The following BTBD10 variants were observed in gnomAD, a reference collection of about 807,000 sequenced individuals.
BTBD10 encodes BTB domain containing 10.
In BTBD10, 21 loss-of-function variants were observed where a neutral mutation model predicts 53.2. That is an observed-to-expected ratio of 0.39 (90% CI 0.28 to 0.57). The LOEUF (loss-of-function observed/expected upper bound fraction) is 0.57, where lower values mean the gene tolerates loss of function less well. BTBD10 is among the 20% of genes least tolerant of loss of function. The pLI is 0.53. For missense variants in BTBD10, 360 were observed against 594.7 expected, an observed-to-expected ratio of 0.61 and a Z score of 4.10; for synonymous variants, 149 against 192.7, an observed-to-expected ratio of 0.77 and a Z score of 1.88.
intron 2 of BTBD10, among the ~76,000 whole-genome samples, chr11:13,425,629 G>A (rs992935282): frequency 6.6e-5 from 10 of 152,048 alleles, no homozygotes; most frequent in Admixed American, 2.0e-4. Context: ...AGATAAAAAT[G>A]TTTACATGTG....
chr11:13,448,761 C>T (rs1950795802), intron 1 of BTBD10, among the ~76,000 whole-genome samples: 1 of 152,130 alleles, frequency 6.6e-6, no homozygotes, highest in Middle Eastern at 3.2e-3. Flanking sequence ...CTGAATGGCT[C>T]CTCGTTTCCT....
intron 1 of BTBD10, among the ~76,000 whole-genome samples, chr11:13,448,338 T>C (rs1192199182): frequency 6.6e-6 from 1 of 152,162 alleles, no homozygotes; most frequent in Non-Finnish European, 1.5e-5. Flanking sequence ...TCCTCTCTTC[T>C]CTACTTGCTG....
chr11:13,401,013 A>G (rs1226380477), intron 8 of BTBD10, among the ~76,000 whole-genome samples: 1 of 152,146 alleles, frequency 6.6e-6, no homozygotes, highest in African/African-American at 2.4e-5. Flanking sequence ...GACCACTGAG[A>G]AATTTTAATA....
intron 4 of BTBD10, among the ~76,000 whole-genome samples, chr11:13,418,991 TAAA>T (rs201422634): frequency 7.0e-6 from 1 of 142,052 alleles, no homozygotes; most frequent in Non-Finnish European, 1.5e-5. Context: ...TTTTTTTTTT[TAAA>T]AGTATCTACA....
At position 13,403,259 on chromosome 11, in the gene BTBD10, T is replaced by C. The variant is rs761639815; in HGVS notation, c.1026A>G (p.Leu342=). Reference sequence around the variant, plus strand: ...TTTCAATATACTTGAAAAATCTATATAATTTTGTGCTATAAATAACTAGAA... The same window carrying C: ...TTTCAATATACTTGAAAAATCTATACAATTTTGTGCTATAAATAACTAGAA... ...EYSQIIYSTK[L]YRFFKYIENR... Residue 342 remains leucine (L), a synonymous_variant, in exon 8 of 9, where the codon TTA becomes TTG. Transcript: ENST00000278174. 4.6e-6 allele frequency: 7 copies of C among 1,514,242 alleles called. No individual in the cohort carries two copies. Among genetic ancestry groups the C allele is most frequent in the East Asian group, 2.4e-5 (1 of 41,202 alleles). 93.8% of individuals were successfully genotyped at this position (1,514,242 alleles called of 1,614,324 possible).
chr11:13,412,429 G>T (rs1259620352), intron 6 of BTBD10, among the ~76,000 whole-genome samples: 1 of 152,022 alleles, frequency 6.6e-6, no homozygotes, highest in African/African-American at 2.4e-5. Flanking sequence ...CTCCAGCCTG[G>T]GTGACACAGC....
intron 2 of BTBD10, among the ~76,000 whole-genome samples, chr11:13,425,514 C>T (rs79774159): frequency 0.027 from 4,066 of 152,028 alleles, 78 homozygotes; most frequent in Non-Finnish European, 0.044. Flanking sequence ...CTGACACATA[C>T]GTTAGAATGA....
intron 6 of BTBD10, among the ~76,000 whole-genome samples, chr11:13,411,683 C>CA (rs1949949653): frequency 6.6e-6 from 1 of 152,108 alleles, no homozygotes; most frequent in African/African-American, 2.4e-5. Context: ...CTAAGAGATT[C>CA]ACATCATCTG....
rs905419100 is a variant in BTBD10 at position 13,435,553 on chromosome 11, C to T, written c.101+9471G>A. ...TGTCGCCCAGGCTGGAGTGCAGTGG[C>T]GCACTCTCGGCTCACTGCAACCTCC... On this transcript the variant is annotated intron_variant, in intron 2 of 8. Transcript: ENST00000278174. 5.3e-5 allele frequency among the ~76,000 whole-genome samples: 8 copies of T among 152,112 alleles called. No homozygotes were observed. The South Asian group carries it at 6.2e-4, about 12-fold the overall frequency.
chr11:13,431,066 A>G (rs545398337), intron 2 of BTBD10, among the ~76,000 whole-genome samples: 1 of 152,076 alleles, frequency 6.6e-6, no homozygotes, highest in East Asian at 1.9e-4. Flanking sequence ...CAGCTGCCTG[A>G]GAATACCAAA....
intron 3 of BTBD10, among the ~76,000 whole-genome samples, chr11:13,420,109 G>T (rs1048335321): frequency 2.0e-5 from 3 of 152,160 alleles, no homozygotes; most frequent in African/African-American, 7.2e-5. Flanking sequence ...TGCTTTGAAA[G>T]TTATTACAGT....
chr11:13,417,884 A>G (rs1019136137), intron 4 of BTBD10, among the ~76,000 whole-genome samples: 7 of 152,204 alleles, frequency 4.6e-5, no homozygotes, highest in Non-Finnish European at 8.8e-5. Context: ...AATAAATTTA[A>G]AAAGCTCTTA....
chr11:13,431,457 A>C (rs1050498582), intron 2 of BTBD10, among the ~76,000 whole-genome samples: 21 of 152,166 alleles, frequency 1.4e-4, no homozygotes, highest in African/African-American at 4.3e-4. Context: ...TAGTTACATA[A>C]ACAAATCCAC....
At chr11:13,431,844 C>G (rs1591146539) in intron 2 of BTBD10, among the ~76,000 whole-genome samples, 1 of 151,984 alleles carries the variant, frequency 6.6e-6, no homozygotes, top group South Asian at 2.1e-4. Context: ...TGAAGAAAAA[C>G]ATCAGGGCCT....
intron 8 of BTBD10, among the ~76,000 whole-genome samples, chr11:13,393,986 T>C (rs1351065787): frequency 6.6e-6 from 1 of 152,214 alleles, no homozygotes; most frequent in African/African-American, 2.4e-5. Context: ...TTTTACAAAA[T>C]ACCAGCTGAT....
rs143589161 is a variant in BTBD10, at chr11:13,440,514, G to T, written c.101+4510C>A. On this transcript the variant is annotated intron_variant, in intron 2 of 8. Transcript: ENST00000278174. ...TTGTGTATCCATTCTGGGCAGTAAA[G>T]CTCTTTAAAATCAAAGAGAAAATAT... 4.6e-5 allele frequency among the ~76,000 whole-genome samples: 7 copies of T among 152,296 alleles called. No individual in the cohort carries two copies. The East Asian group carries it at 1.3e-3, about 29-fold the overall frequency.
At chr11:13,438,893 C>T (rs1299024250) in intron 2 of BTBD10, among the ~76,000 whole-genome samples, 1 of 151,864 alleles carries the variant, frequency 6.6e-6, no homozygotes, top group African/African-American at 2.4e-5. Context: ...TTTTATAACT[C>T]TATTTAATAA....
At chr11:13,441,266 A>G (rs1170179111) in intron 2 of BTBD10, among the ~76,000 whole-genome samples, 1 of 152,116 alleles carries the variant, frequency 6.6e-6, no homozygotes, top group African/African-American at 2.4e-5. Context: ...TCTACATTCA[A>G]AAGAAAGTTT....
At chr11:13,432,488 A>G (rs1950467020) in intron 2 of BTBD10, among the ~76,000 whole-genome samples, 1 of 152,146 alleles carries the variant, frequency 6.6e-6, no homozygotes, top group Admixed American at 6.5e-5. Flanking sequence ...TGAGTAGAGT[A>G]CCTGGGAACT....
Sources: gnomAD v4.1 joint callset for allele counts (sites outside exome capture counted in the v4.1 genomes callset) on GRCh38, gnomAD v4.1.1 for gene constraint, MANE v1.5 for transcripts, NCBI Gene and HGNC (gene_info 2026-07-23, HGNC 2026-07-21) for gene names.